ERCC2: variants seen among roughly 807,000 people sequenced by gnomAD.
ERCC2 encodes ERCC excision repair 2, TFIIH core complex helicase subunit.
A neutral mutation model predicts 99.4 loss-of-function variants in ERCC2; 90 were observed. The ratio of observed to expected loss-of-function variants is 0.91; its 90% CI spans 0.76 to 1.08. The LOEUF is 1.08. ERCC2 is among the 50% of genes least tolerant of loss of function. The pLI, the probability that ERCC2 is intolerant of heterozygous loss-of-function variation, is 0.00. For synonymous variants in ERCC2, 497 were observed against 432.4 expected (o/e 1.15, Z -1.85); for missense variants, 993 against 1,038.1 (o/e 0.96, Z 0.60).
chr19:45,355,798 C>G, intron 15 of ERCC2, 70 bp from the exon 16 acceptor site: 1 of 1,069,594 alleles, frequency 9.3e-7, no homozygotes, highest in Non-Finnish European at 1.4e-6. Flanking sequence ...TGACCACCTG[C>G]TGGTGCTGTT....
At position 45,352,288 on chromosome 19, in the gene ERCC2, G is replaced by A. The variant is rs756273306; in HGVS notation, c.2111C>T (p.Ala704Val). 3 of 1,613,980 alleles carry A rather than the reference G, an allele frequency of 1.9e-6. No homozygotes were observed. The African/African-American group carries it at 4.0e-5, about 22-fold the overall frequency. Residue 704 changes from alanine (A) to valine (V), a missense_variant, in exon 22 of 23, where the codon GCC becomes GTC. Around this residue, in one of 3 missense-constraint regions of ERCC2, gnomAD observed 909 missense variants for 930.8 expected, o/e 0.98. Transcript: ENST00000391945. ...PRWIQEHLTD[A>V]NLNLTVDEGV... ...CTCGTCCACGGTCAGGTTGAGGTTG[G>A]CATCTGTGAGGTGCTCCTGGATCCA...
rs749368007 is a variant in ERCC2, at chr19:45,369,143, T to C, written c.110A>G (p.His37Arg). The C allele has an allele frequency of 4.3e-6, 7 of 1,613,892 alleles. No homozygotes were observed. Among genetic ancestry groups the C allele is most frequent in the African/African-American group, 2.7e-5 (2 of 74,922 alleles). Reference protein sequence around the residue: ...ELKRTLDAKGHGVLEMPSGTG... With the variant: ...ELKRTLDAKGRGVLEMPSGTG... ...GCCTGAGGGCATCTCCAGGACTCCA[T>C]GACCCTGCATGTTGGGGACCAGAGG... The change falls in exon 3 of 23, where the codon CAT becomes CGT. Residue 37 changes from histidine (H) to arginine (R), a missense_variant. By Grantham distance (29) the His-to-Arg change is conservative. Around this residue, in one of 3 missense-constraint regions of ERCC2, gnomAD observed 29 missense variants for 62.1 expected, o/e 0.47. Transcript: ENST00000391945.
Position 45,350,720 on chromosome 19 carries a change from G to C in ERCC2, c.*909C>G, listed in dbSNP as rs199586485. The C allele has an allele frequency of 4.3e-6, 7 of 1,612,974 alleles. No individual in the cohort carries two copies. The African/African-American group carries it at 5.3e-5, about 12-fold the overall frequency. ...AGTGAGAAGCTGGTCTCCCGGCTCC[G>C]AGGCGAGGCGGCGGCAGGAGCAGCC... On this transcript the variant is annotated 3_prime_UTR_variant, in exon 23 of 23. Transcript: ENST00000391945.
chr19:45,369,393 G>A (rs960860484), intron 2 of ERCC2, among the ~76,000 whole-genome samples: 7 of 151,952 alleles, frequency 4.6e-5, no homozygotes, highest in African/African-American at 1.7e-4. Flanking sequence ...AAAGCCAGGC[G>A]TGGTGGCTCA....
intron 12 of ERCC2, chr19:45,358,557 C>A: frequency 2.4e-6 from 1 of 425,342 alleles, no homozygotes; most frequent in Non-Finnish European, 4.3e-6. Context: ...CCCCCACATG[C>A]CTCCAGTGGC....
intron 15 of ERCC2, among the ~76,000 whole-genome samples, chr19:45,356,772 C>T (rs1224898988): frequency 2.0e-5 from 3 of 152,232 alleles, no homozygotes; most frequent in Non-Finnish European, 4.4e-5. Flanking sequence ...CGTGCCACTG[C>T]ACTCCAGCCT....
chr19:45,357,437 G>T (rs370767820), intron 14 of ERCC2, 37 bp downstream of exon 14: 19 of 1,610,896 alleles, frequency 1.2e-5, no homozygotes, highest in Non-Finnish European at 1.5e-5. Flanking sequence ...CATGGAGGGA[G>T]GTCAGGGACT....
chr19:45,363,968 C>CG lies in ERCC2; in HGVS notation c.949+17dup. 6.6e-7 allele frequency: 1 copy of CG among 1,514,064 alleles called. No homozygotes were observed. Among genetic ancestry groups the CG allele is most frequent in the Non-Finnish European group, 8.9e-7 (1 of 1,127,224 alleles). The allele number at this position is 1,514,064 out of a possible 1,614,324, so 93.8% of individuals were successfully genotyped here. ...AGGCGGGAAAGGGACTGGGGGGCAG[C>CG]GGGGGGTCGGGGCTCACCCTGCAGC... On this transcript the variant is annotated intron_variant, in intron 10 of 22. Transcript: ENST00000391945.
In ERCC2 at chr19:45,354,797, T is replaced by G; in HGVS notation, c.1598A>C (p.Asp533Ala). ...GCTGGTGAAGAAGGCCACGATGCCATCAGGGACCACAGCGGACATCTCCAG... is the reference window on the plus strand; with the variant it reads ...GCTGGTGAAGAAGGCCACGATGCCAGCAGGGACCACAGCGGACATCTCCAG... ...LLLEMSAVVP[D>A]GIVAFFTSYQ... Residue 533 changes from aspartate to alanine, a missense_variant, in exon 17 of 23, where the codon GAT becomes GCT. Asp to Ala is a moderately radical substitution (Grantham distance 126). Transcript: ENST00000391945. 2 of 1,614,096 alleles carry G rather than the reference T, an allele frequency of 1.2e-6. No individual in the cohort carries two copies. Among genetic ancestry groups the G allele is most frequent in the Non-Finnish European group, 1.7e-6 (2 of 1,179,974 alleles).
rs966063617 is a variant in ERCC2 at position 45,350,024 on chromosome 19, C to T, written c.*1605G>A. 2 of 449,788 alleles carry T rather than the reference C, an allele frequency of 4.4e-6. No homozygotes were observed. The highest frequency in any genetic ancestry group is 4.0e-5 in the Admixed American group (1 of 25,196). 27.9% of individuals were successfully genotyped at this position (449,788 alleles called of 1,614,324 possible). On this transcript the variant is annotated 3_prime_UTR_variant, in exon 23 of 23. Coordinates refer to ENST00000391945, the MANE Select transcript of ERCC2 (RefSeq NM_000400.4). ...AGCAGACAGGCTCAGAAACAGGAGG[C>T]TGCCTGTCCTCCATCCCCAGGGCAG...
In ERCC2 at chr19:45,350,757, GA is replaced by G. The variant is rs1382261412; in HGVS notation, c.*871del. 6 of 1,603,466 alleles carry G rather than the reference GA, an allele frequency of 3.7e-6. No individual in the cohort carries two copies. The African/African-American group carries it at 8.0e-5, about 21-fold the overall frequency. On this transcript the variant is annotated 3_prime_UTR_variant, in exon 23 of 23. Transcript: ENST00000391945. ...CGGCAGGAGCAGCCGGGTGAGTGTT[GA>G]TCAGGTCGGCAAAGAGCCCTGACAT...
In ERCC2 at chr19:45,370,202, G is replaced by A. The variant is rs371830007; in HGVS notation, c.36C>T (p.Phe12=). ...GCTCGGGGTAGATGTAGTCGTACGG[G>A]AAGTAGACCAGGAGCCCGTCCACGT... ...KLNVDGLLVY[F]PYDYIYPEQF... Residue 12 remains phenylalanine, a synonymous_variant, in exon 2 of 23, where the codon TTC becomes TTT. Transcript: ENST00000391945. The A allele has an allele frequency of 5.0e-6, 8 of 1,613,414 alleles. No homozygotes were observed. The highest frequency in any genetic ancestry group is 5.9e-6 in the Non-Finnish European group (7 of 1,179,550).
intron 19 of ERCC2, 125 bp downstream of exon 19, chr19:45,352,958 G>C: frequency 8.2e-7 from 1 of 1,216,014 alleles, no homozygotes; most frequent in South Asian, 1.2e-5. Context: ...AGAGGGGAGG[G>C]GAGGGCCCCT....
At chr19:45,355,092 C>T (rs1022678729) in intron 16 of ERCC2, among the ~76,000 whole-genome samples, 1 of 152,236 alleles carries the variant, frequency 6.6e-6, no homozygotes, top group African/African-American at 2.4e-5. Flanking sequence ...CGCTGTGGCT[C>T]ACGCCTGTAA....
intron 12 of ERCC2, chr19:45,358,710 C>T (rs1457857566): frequency 5.8e-6 from 4 of 690,468 alleles, no homozygotes; most frequent in Admixed American, 4.1e-5. Flanking sequence ...TCCGAGAGGC[C>T]CTCCCCAGCC....
intron 11 of ERCC2, among the ~76,000 whole-genome samples, chr19:45,362,308 G>C (rs540485363): frequency 1.2e-4 from 18 of 152,274 alleles, no homozygotes; most frequent in African/African-American, 4.1e-4. Context: ...TGGCCACATG[G>C]TCACGCATTC....
chr19:45,350,477 A>C lies in ERCC2; in HGVS notation c.*1152T>G. 6.2e-7 allele frequency: 1 copy of C among 1,612,356 alleles called. No homozygotes were observed. ...TGTCTTCCCTCCTGGTGGCTTCTCTATGTCCCCATCTCAGTGTCCCCCATC... is the reference window on the plus strand; with the variant it reads ...TGTCTTCCCTCCTGGTGGCTTCTCTCTGTCCCCATCTCAGTGTCCCCCATC... On this transcript the variant is annotated 3_prime_UTR_variant, in exon 23 of 23. Coordinates refer to ENST00000391945, the MANE Select transcript of ERCC2 (RefSeq NM_000400.4).
chr19:45,350,446 CCTGTCTGT>C lies in ERCC2; in HGVS notation c.*1175_*1182del, dbSNP rs774408586. 2 of 1,613,202 alleles carry C rather than the reference CCTGTCTGT, an allele frequency of 1.2e-6. No individual in the cohort carries two copies. The highest frequency in any genetic ancestry group is 2.7e-5 in the African/African-American group (2 of 74,712). ...CGCCCCTCTCGGTGAGCCCCTAGCCCCTGTCTGTCTTCCCTCCTGGTGGCTTCTCTATG... is the reference window on the plus strand; with the variant it reads ...CGCCCCTCTCGGTGAGCCCCTAGCCCCTTCCCTCCTGGTGGCTTCTCTATG... On this transcript the variant is annotated 3_prime_UTR_variant, in exon 23 of 23. Transcript: ENST00000391945.
At chr19:45,369,017 C>CCCTGT in intron 3 of ERCC2, 25 bp from the exon 4 acceptor site, 1 of 1,614,016 alleles carries the variant, frequency 6.2e-7, no homozygotes, top group East Asian at 2.2e-5. Flanking sequence ...CGGACTCAGT[C>CCCTGT]CCTGTCCCGC....
Sources: gnomAD v4.1 joint callset for allele counts (sites outside exome capture counted in the v4.1 genomes callset) on GRCh38, gnomAD v4.1.1 for gene constraint, gnomAD v4.1.1 regional missense constraint, MANE v1.5 for transcripts, NCBI Gene and HGNC (gene_info 2026-07-23, HGNC 2026-07-21) for gene names.